The following BMF variants were observed in gnomAD, a reference collection of about 807,000 sequenced individuals.
The protein encoded by BMF is Bcl2 modifying factor, also known as bcl-2-modifying factor.
BMF carries 10 observed loss-of-function variants against 22.0 expected under a neutral mutation model. That is an observed-to-expected ratio of 0.45 (90% CI 0.28 to 0.77). The LOEUF (loss-of-function observed/expected upper bound fraction) is 0.77. Ranked by LOEUF, BMF falls within the 30% of genes least tolerant of loss-of-function variation. BMF has a pLI of 0.13. For missense variants in BMF, 206 were observed against 226.8 expected, an observed-to-expected ratio of 0.91 and a Z score of 0.59; for synonymous variants, 87 against 88.1, an observed-to-expected ratio of 0.99 and a Z score of 0.07.
At position 40,091,694 on chromosome 15, in the gene BMF, AC is replaced by A. The variant is rs2036234301; in HGVS notation, c.*92del. ...TAAAACACAAAATAACAACAAAAAAACAATTTCACAAGACACAGTGTCAGTC... is the reference window on the plus strand; with the variant it reads ...TAAAACACAAAATAACAACAAAAAAAAATTTCACAAGACACAGTGTCAGTC... On this transcript the variant is annotated 3_prime_UTR_variant, in exon 5 of 5. Coordinates refer to ENST00000354670, the MANE Select transcript of BMF (RefSeq NM_001003940.2). 7.5e-6 allele frequency: 7 copies of A among 938,376 alleles called. No individual in the cohort carries two copies. The highest frequency in any genetic ancestry group is 3.4e-5 in the African/African-American group (2 of 59,312). 58.1% of individuals were successfully genotyped at this position (938,376 alleles called of 1,614,324 possible).
At chr15:40,105,128 C>T (rs1219586520) in intron 3 of BMF, among the ~76,000 whole-genome samples, 10 of 152,224 alleles carry the variant, frequency 6.6e-5, no homozygotes, top group Admixed American at 6.5e-4. Flanking sequence ...TCGTCAGACA[C>T]AGTAAGCCAC....
chr15:40,103,403 A>G (rs11631335), intron 4 of BMF, among the ~76,000 whole-genome samples: 86,098 of 152,166 alleles, frequency 0.57, 25,847 homozygotes, highest in Non-Finnish European at 0.7. Context: ...GTGCCTGGGG[A>G]CCCAGCCCAG....
In BMF at chr15:40,106,103, C is replaced by A. The variant is rs766011253; in HGVS notation, c.-5-12G>T. The A allele has an allele frequency of 2.5e-6, 4 of 1,575,838 alleles. No homozygotes were observed. The highest frequency in any genetic ancestry group is 3.4e-6 in the Non-Finnish European group (4 of 1,160,034). On this transcript the variant is annotated splice_polypyrimidine_tract_variant and intron_variant, in intron 2 of 4. Transcript: ENST00000354670. This position sits in a 1 kb window ranked among gnomAD's most constrained non-coding sequence, Gnocchi z 4.1. ...TGGCTCCATCTCTCCTGTGAGGGGGCAACGCAGGCATCTGGGCTGCTGCCC... is the reference window on the plus strand; with the variant it reads ...TGGCTCCATCTCTCCTGTGAGGGGGAAACGCAGGCATCTGGGCTGCTGCCC...
intron 4 of BMF, among the ~76,000 whole-genome samples, chr15:40,098,175 C>T (rs1235025124): frequency 2.4e-4 from 36 of 152,202 alleles, no homozygotes; most frequent in Admixed American, 2.3e-3. Context: ...AAGAGCAGTC[C>T]GAAGCCAGCC....
At chr15:40,096,806 C>T (rs1216573624) in intron 4 of BMF, among the ~76,000 whole-genome samples, 1 of 152,192 alleles carries the variant, frequency 6.6e-6, no homozygotes, top group African/African-American at 2.4e-5. Flanking sequence ...TTAGTAAGGA[C>T]GCTGTGGACC....
At chr15:40,098,652 A>G (rs922556102) in intron 4 of BMF, among the ~76,000 whole-genome samples, 7 of 152,168 alleles carry the variant, frequency 4.6e-5, no homozygotes, top group Non-Finnish European at 8.8e-5. Flanking sequence ...TGCTCTGGTC[A>G]TGGAACATGA....
rs1331805459 is a variant in BMF at position 40,091,264 on chromosome 15, C to G, written c.*523G>C. ...TCAGATGTGGAGCTGGCCGGCCAGCCTAGTGAAGCTGCTATCCTCAAGTGG... is the reference window on the plus strand; with the variant it reads ...TCAGATGTGGAGCTGGCCGGCCAGCGTAGTGAAGCTGCTATCCTCAAGTGG... On this transcript the variant is annotated 3_prime_UTR_variant, in exon 5 of 5. Transcript: ENST00000354670. 1 of 152,952 alleles carries G rather than the reference C, an allele frequency of 6.5e-6. No homozygotes were observed. The highest frequency in any genetic ancestry group is 1.5e-5 in the Non-Finnish European group (1 of 68,342). The allele number at this position is 152,952 out of a possible 1,614,324, so 9.5% of individuals were successfully genotyped here. A position where few individuals can be genotyped will look rare whatever the true frequency, so the allele number is the denominator to read the frequency against.
At position 40,088,562 on chromosome 15, in the gene BMF, C is replaced by T. The variant is rs187790594; in HGVS notation, c.*3225G>A. The T allele has an allele frequency of 5.9e-5, 9 of 152,474 alleles. No homozygotes were observed. The East Asian group carries it at 1.7e-3, about 29-fold the overall frequency. The allele number at this position is 152,474 out of a possible 1,614,324, so 9.4% of individuals were successfully genotyped here. ...ACTGGGGTAGCATGCTCCTTGCTGT[C>T]CAGGACAGTCACCGTGGCTCCACAG... On this transcript the variant is annotated 3_prime_UTR_variant, in exon 5 of 5. Transcript: ENST00000354670.
chr15:40,097,889 G>C (rs1356809291), intron 4 of BMF, among the ~76,000 whole-genome samples: 1 of 152,190 alleles, frequency 6.6e-6, no homozygotes, highest in Middle Eastern at 3.2e-3. Context: ...CTGACTTTCT[G>C]CTTTGAGACT....
intron 4 of BMF, among the ~76,000 whole-genome samples, chr15:40,100,532 G>A (rs2036454998): frequency 6.6e-6 from 1 of 152,212 alleles, no homozygotes; most frequent in East Asian, 1.9e-4. Flanking sequence ...CACTCACTCT[G>A]CCTCCAACTC....
At position 40,091,607 on chromosome 15, in the gene BMF, C is replaced by T. The variant is rs983333764; in HGVS notation, c.*180G>A. Reference sequence around the variant, plus strand: ...CCCCCATTCCAGGTCAAGGGCCTGACAGAGAAAGAAGGTCCCGCTTGAGTA... The same window carrying T: ...CCCCCATTCCAGGTCAAGGGCCTGATAGAGAAAGAAGGTCCCGCTTGAGTA... On this transcript the variant is annotated 3_prime_UTR_variant, in exon 5 of 5. Transcript: ENST00000354670. The T allele has an allele frequency of 3.6e-6, 2 of 558,552 alleles. No individual in the cohort carries two copies. Among genetic ancestry groups the T allele is most frequent in the South Asian group, 2.6e-5 (1 of 37,864 alleles). The allele number at this position is 558,552 out of a possible 1,614,324, so 34.6% of individuals were successfully genotyped here.
rs149926833 is a variant in BMF at position 40,103,582 on chromosome 15, G to A, written c.453+598C>T. ...GTGCCAGGCTGCCGGCCAAGCGCCC[G>A]GCTGAGCGCCCGGCTGGCCGCCGGT... On this transcript the variant is annotated intron_variant, in intron 4 of 4. Coordinates refer to ENST00000354670, the MANE Select transcript of BMF (RefSeq NM_001003940.2). Among the ~76,000 whole-genome samples the A allele has an allele frequency of 5.6e-3, 859 of 152,242 alleles. 5 individuals carry two copies. The highest frequency in any genetic ancestry group is 0.02 in the African/African-American group (819 of 41,562).
chr15:40,108,684 C>A (rs1595490016), intron 1 of BMF, 89 bp downstream of exon 1: 1 of 152,800 alleles, frequency 6.5e-6, no homozygotes, highest in East Asian at 1.9e-4. Flanking sequence ...CTTCCCGGGC[C>A]CCCGTGCGCA....
At chr15:40,095,023 C>G (rs1042881921) in intron 4 of BMF, among the ~76,000 whole-genome samples, 1 of 152,214 alleles carries the variant, frequency 6.6e-6, no homozygotes, top group African/African-American at 2.4e-5. Flanking sequence ...GCTCTCCAAC[C>G]CTAAGGAGTT....
chr15:40,106,359 T>C lies in BMF; in HGVS notation c.-5-268A>G, dbSNP rs1210740113. ...TTTTTCTTGATCACGTTTTCTGACC[T>C]AGGCCGGTCACAAAGTTTGACTCTG... On this transcript the variant is annotated intron_variant, in intron 2 of 4. Coordinates refer to ENST00000354670, the MANE Select transcript of BMF (RefSeq NM_001003940.2). This position sits in a 1 kb window ranked among gnomAD's most constrained non-coding sequence, Gnocchi z 4.1. 1 of 359,990 alleles carries C rather than the reference T, an allele frequency of 2.8e-6. No individual in the cohort carries two copies. Among genetic ancestry groups the C allele is most frequent in the Non-Finnish European group, 5.0e-6 (1 of 198,488 alleles). 22.3% of individuals were successfully genotyped at this position (359,990 alleles called of 1,614,324 possible).
chr15:40,102,811 A>T lies in BMF; in HGVS notation c.453+1369T>A, dbSNP rs527685847. Among the ~76,000 whole-genome samples the T allele has an allele frequency of 2.6e-5, 4 of 152,334 alleles. No individual in the cohort carries two copies. In the South Asian group the frequency reaches 8.3e-4, roughly 32 times the overall value. ...GGCCAAGAAACTGAAAACAAGAATC[A>T]GAGTGAGTCCACACATGGACTGAAG... On this transcript the variant is annotated intron_variant, in intron 4 of 4. Transcript: ENST00000354670.
rs1301133871 is a variant in BMF at position 40,090,537 on chromosome 15, G to C, written c.*1250C>G. 1 of 152,716 alleles carries C rather than the reference G, an allele frequency of 6.5e-6. No individual in the cohort carries two copies. The highest frequency in any genetic ancestry group is 2.4e-5 in the African/African-American group (1 of 41,472). The allele number at this position is 152,716 out of a possible 1,614,324, so 9.5% of individuals were successfully genotyped here. A position where few individuals can be genotyped will look rare whatever the true frequency, so the allele number is the denominator to read the frequency against. ...CTCCATAAGTGCCGCAGCAGGGAGA[G>C]AAGGGAAGACGTGCACAGGCAGCTG... is the stretch of plus-strand genomic sequence containing the variant. On this transcript the variant is annotated 3_prime_UTR_variant, in exon 5 of 5. Transcript: ENST00000354670.
intron 4 of BMF, among the ~76,000 whole-genome samples, chr15:40,100,974 G>A (rs1404581013): frequency 2.0e-5 from 3 of 152,188 alleles, no homozygotes; most frequent in African/African-American, 7.2e-5. Flanking sequence ...CAGATGTAGG[G>A]GAAAGGTGAC....
At chr15:40,101,914 G>GT (rs1273544253) in intron 4 of BMF, among the ~76,000 whole-genome samples, 1 of 152,160 alleles carries the variant, frequency 6.6e-6, no homozygotes, top group African/African-American at 2.4e-5. Context: ...TCCTACCCTT[G>GT]TAAGTAAGAA....
Sources: gnomAD v4.1 joint callset for allele counts (sites outside exome capture counted in the v4.1 genomes callset) on GRCh38, gnomAD v4.1.1 for gene constraint, Gnocchi (gnomAD v3.1) non-coding constraint, MANE v1.5 for transcripts, NCBI Gene and HGNC (gene_info 2026-07-23, HGNC 2026-07-21) for gene names.